Variants in CDIP1 observed in about 807,000 individuals in gnomAD.
CDIP1 encodes the protein cell death-inducing p53-target protein 1.
In CDIP1, 9 loss-of-function variants were observed where a neutral mutation model predicts 17.7. The ratio of observed to expected loss-of-function variants is 0.51; its 90% CI spans 0.31 to 0.89. The LOEUF (loss-of-function observed/expected upper bound fraction) is 0.89. CDIP1 is among the 40% of genes least tolerant of loss of function. The pLI is 0.05. For missense variants in CDIP1, 263 were observed against 277.9 expected, an observed-to-expected ratio of 0.95 and a Z score of 0.38; for synonymous variants, 117 against 109.5, an observed-to-expected ratio of 1.07 and a Z score of -0.43.
chr16:4,529,926 C>T (rs1167389921), intron 1 of CDIP1, among the ~76,000 whole-genome samples: 8 of 152,232 alleles, frequency 5.3e-5, no homozygotes, highest in East Asian at 1.9e-4. Flanking sequence ...GCTCTGCCCG[C>T]GGCCAGGTCT....
At chr16:4,519,120 T>TGGTCTTC in intron 1 of CDIP1, among the ~76,000 whole-genome samples, 1 of 152,216 alleles carries the variant, frequency 6.6e-6, no homozygotes, top group African/African-American at 2.4e-5. Flanking sequence ...TAATAGTAAG[T>TGGTCTTC]CACTCCTATG....
rs140294687 is a variant in CDIP1, at chr16:4,524,560, C to T, written c.-104-9896G>A. Among the ~76,000 whole-genome samples, 1,336 of 152,230 alleles carry T rather than the reference C, an allele frequency of 8.8e-3. 14 individuals carry two copies. Among genetic ancestry groups the T allele is most frequent in the East Asian group, 0.046 (237 of 5,172 alleles). On this transcript the variant is annotated intron_variant, in intron 1 of 5. Coordinates refer to ENST00000567695, the MANE Select transcript of CDIP1 (RefSeq NM_013399.3). ...GCATTCAGGGCAAGCCGACTCAGCCCGGAGCCAGGCCCTTCATCTTTCCTG... is the reference window on the plus strand; with the variant it reads ...GCATTCAGGGCAAGCCGACTCAGCCTGGAGCCAGGCCCTTCATCTTTCCTG...
At chr16:4,527,339 G>A (rs759665630) in intron 1 of CDIP1, among the ~76,000 whole-genome samples, 1 of 151,958 alleles carries the variant, frequency 6.6e-6, no homozygotes, top group Non-Finnish European at 1.5e-5. Context: ...CACCTGCCTC[G>A]GCCTCCCAAA....
intron 1 of CDIP1, among the ~76,000 whole-genome samples, chr16:4,518,174 G>A (rs552745409): frequency 6.6e-6 from 1 of 151,582 alleles, no homozygotes; most frequent in East Asian, 1.9e-4. Flanking sequence ...ACACACGTGT[G>A]CACACACACC....
intron 1 of CDIP1, among the ~76,000 whole-genome samples, chr16:4,525,644 T>A (rs897059044): frequency 2.6e-4 from 39 of 152,322 alleles, no homozygotes; most frequent in African/African-American, 8.4e-4. Context: ...CTTTCGCAGC[T>A]GACCAGAGGG....
chr16:4,520,105 G>C (rs1363195317), intron 1 of CDIP1, among the ~76,000 whole-genome samples: 2 of 150,362 alleles, frequency 1.3e-5, no homozygotes, highest in South Asian at 2.1e-4. Context: ...ATCAAGACTT[G>C]ACAAGTGGTA....
chr16:4,531,865 T>C (rs1375694257), intron 1 of CDIP1, among the ~76,000 whole-genome samples: 1 of 152,208 alleles, frequency 6.6e-6, no homozygotes, highest in African/African-American at 2.4e-5. Flanking sequence ...ATGCGTTCCA[T>C]TTACATAGAT....
chr16:4,531,868 A>C (rs1335775019), intron 1 of CDIP1, among the ~76,000 whole-genome samples: 1 of 152,246 alleles, frequency 6.6e-6, no homozygotes, highest in Admixed American at 6.5e-5. Context: ...CGTTCCATTT[A>C]CATAGATTTC....
intron 1 of CDIP1, among the ~76,000 whole-genome samples, chr16:4,531,551 C>T (rs2059056961): frequency 6.6e-6 from 1 of 152,162 alleles, no homozygotes; most frequent in Non-Finnish European, 1.5e-5. Context: ...GTTTACTAAG[C>T]ACCCATGGAA....
chr16:4,530,892 T>C (rs1025552184), intron 1 of CDIP1, among the ~76,000 whole-genome samples: 1 of 152,078 alleles, frequency 6.6e-6, no homozygotes, highest in Non-Finnish European at 1.5e-5. Context: ...ACAAAAGTAA[T>C]TGCAGTTTTT....
chr16:4,529,364 G>C (rs1202156761), intron 1 of CDIP1, among the ~76,000 whole-genome samples: 1 of 152,198 alleles, frequency 6.6e-6, no homozygotes, highest in Admixed American at 6.5e-5. Context: ...ACGAGTGATA[G>C]AGCCCATGCT....
chr16:4,537,753 G>A (rs1188522553), intron 1 of CDIP1, among the ~76,000 whole-genome samples: 1 of 152,226 alleles, frequency 6.6e-6, no homozygotes, highest in Non-Finnish European at 1.5e-5. Context: ...CTGACGCAGA[G>A]GATCTTGAGC....
chr16:4,517,569 T>C (rs1325739649), intron 1 of CDIP1, among the ~76,000 whole-genome samples: 3 of 152,108 alleles, frequency 2.0e-5, no homozygotes, highest in Non-Finnish European at 4.4e-5. Context: ...GCAAGACTCT[T>C]GTCTCTACAA....
intron 1 of CDIP1, among the ~76,000 whole-genome samples, chr16:4,535,358 A>T (rs1025697851): frequency 6.6e-6 from 1 of 152,230 alleles, no homozygotes; most frequent in African/African-American, 2.4e-5. Context: ...TGAAAAGGTG[A>T]CAAGAAATGT....
In CDIP1 at chr16:4,514,583, C is replaced by T. The variant is rs565859157; in HGVS notation, c.-23G>A. 24 of 158,880 alleles carry T rather than the reference C, an allele frequency of 1.5e-4. No homozygotes were observed. Among genetic ancestry groups the T allele is most frequent in the African/African-American group, 3.1e-4 (13 of 41,804 alleles). 9.8% of individuals were successfully genotyped at this position (158,880 alleles called of 1,614,324 possible). ...TCTGGGGGATTTCTTACCTCAAATC[C>T]GTGCTACTCAGAGAAGGGAGGCAGG... is the stretch of plus-strand genomic sequence containing the variant. On this transcript the variant is annotated 5_prime_UTR_variant, in exon 2 of 6. Coordinates refer to ENST00000567695, the MANE Select transcript of CDIP1 (RefSeq NM_013399.3). The surrounding 1 kb of genome is among the most constrained non-coding windows in gnomAD (Gnocchi z 5.2).
At chr16:4,516,323 G>A (rs2058887245) in intron 1 of CDIP1, among the ~76,000 whole-genome samples, 4 of 152,292 alleles carry the variant, frequency 2.6e-5, no homozygotes, top group South Asian at 4.1e-4. Context: ...CTCTGAAACC[G>A]ATTGTAGCAA....
Position 4,521,863 on chromosome 16 carries a change from G to C in CDIP1, c.-104-7199C>G, listed in dbSNP as rs1596489804. On this transcript the variant is annotated intron_variant, in intron 1 of 5. Transcript: ENST00000567695. ...GCCTACCTCTCAGGGTGGGAGTGAG[G>C]TTGAAGAGAGACTGTGTGTGAAACG... Among the ~76,000 whole-genome samples, 3 of 152,156 alleles carry C rather than the reference G, an allele frequency of 2.0e-5. No individual in the cohort carries two copies. In the East Asian group the frequency reaches 5.8e-4, roughly 29 times the overall value.
intron 1 of CDIP1, among the ~76,000 whole-genome samples, chr16:4,534,401 A>T (rs1184972305): frequency 6.6e-6 from 1 of 152,110 alleles, no homozygotes; most frequent in Non-Finnish European, 1.5e-5. Flanking sequence ...ATTCCAGTCA[A>T]CTCCGTGATG....
At chr16:4,522,481 G>GC (rs1038868803) in intron 1 of CDIP1, 1 of 152,288 alleles carries the variant, frequency 6.6e-6, no homozygotes, top group African/African-American at 2.4e-5. Context: ...TCCCCAGGAG[G>GC]CAGGTCCCAG....
Sources: allele counts gnomAD v4.1 joint callset (sites outside exome capture counted in the v4.1 genomes callset), GRCh38; gene constraint gnomAD v4.1.1; non-coding constraint Gnocchi (gnomAD v3.1); transcripts MANE v1.5; gene names NCBI Gene and HGNC (gene_info 2026-07-23, HGNC 2026-07-21).